The following ATP8B4 variants were observed in gnomAD, a reference collection of about 807,000 sequenced individuals.
The protein encoded by ATP8B4 is probable phospholipid-transporting ATPase IM.
In ATP8B4, 133 loss-of-function variants were observed where a neutral mutation model predicts 145.6. The observed-to-expected ratio is 0.91, with a 90% CI of 0.79 to 1.05. ATP8B4 has a LOEUF of 1.05. Among genes scored for constraint, ATP8B4 ranks in the 50% least tolerant of loss-of-function variants. The pLI is 0.00. For synonymous variants in ATP8B4, 507 were observed against 492.9 expected (o/e 1.03, Z -0.38); for missense variants, 1,458 against 1,425.2 (o/e 1.02, Z -0.37).
intron 2 of ATP8B4, among the ~76,000 whole-genome samples, chr15:50,087,672 A>G (rs1420995469): frequency 1.3e-5 from 2 of 152,016 alleles, no homozygotes; most frequent in East Asian, 1.9e-4. Context: ...AACAGTTCAT[A>G]TATGAAAGAA....
chr15:50,109,365 A>G (rs2056833000), intron 1 of ATP8B4, among the ~76,000 whole-genome samples: 1 of 152,204 alleles, frequency 6.6e-6, no homozygotes, highest in African/African-American at 2.4e-5. Flanking sequence ...GTTTCACAAA[A>G]TACTCAAAAA....
At chr15:49,879,330 A>C in intron 24 of ATP8B4, 46 bp downstream of exon 24, 1 of 1,511,372 alleles carries the variant, frequency 6.6e-7, no homozygotes, top group Non-Finnish European at 9.1e-7. Flanking sequence ...AAAAACTAAA[A>C]GGCATAAAAG....
At chr15:50,062,248 C>CT (rs1384702369) in intron 3 of ATP8B4, among the ~76,000 whole-genome samples, 1 of 152,146 alleles carries the variant, frequency 6.6e-6, no homozygotes, top group African/African-American at 2.4e-5. Flanking sequence ...CACCATCCCC[C>CT]TTGGTACTGT....
chr15:50,047,022 T>C (rs2051775007), intron 4 of ATP8B4, among the ~76,000 whole-genome samples: 1 of 152,200 alleles, frequency 6.6e-6, no homozygotes, highest in Admixed American at 6.5e-5. Flanking sequence ...GCCTCAACTC[T>C]GGCAATCCCC....
intron 6 of ATP8B4, among the ~76,000 whole-genome samples, chr15:50,023,797 G>GAAAAAAAAAAAAAAAAAA (rs1260432604): frequency 2.2e-5 from 2 of 91,604 alleles, no homozygotes; most frequent in Middle Eastern, 6.8e-3. Flanking sequence ...AAAAAAAAAA[G>GAAAAAAAAAAAAAAAAAA]AAAAAAAAGA....
intron 1 of ATP8B4, among the ~76,000 whole-genome samples, chr15:50,174,426 G>A (rs2044733007): frequency 6.6e-6 from 1 of 151,882 alleles, no homozygotes. Context: ...TCCTAGAACT[G>A]ATAAAAGAAT....
Position 49,934,036 on chromosome 15 carries a change from C to T in ATP8B4, c.1434G>A (p.Met478Ile), listed in dbSNP as rs1481327454. The change falls in exon 15 of 28, where the codon ATG (methionine) becomes ATA (isoleucine). Residue 478 changes from methionine (M) to isoleucine (I), a missense_variant. Coordinates refer to ENST00000284509, the MANE Select transcript of ATP8B4 (RefSeq NM_024837.4). ...ACTTACCTGCGCTATTCTCTTCTGA[C>T]ATTACAGTGTGGCAGAGAGCAAGTA... is the stretch of plus-strand genomic sequence containing the variant. Reference protein sequence around the residue: ...LRLLALCHTVMSEENSAGELI... With the variant: ...LRLLALCHTVISEENSAGELI... The T allele has an allele frequency of 6.2e-7, 1 of 1,610,416 alleles. No individual in the cohort carries two copies. Among genetic ancestry groups the T allele is most frequent in the Admixed American group, 1.7e-5 (1 of 59,416 alleles).
chr15:50,104,499 A>T (rs1177220254), intron 2 of ATP8B4, among the ~76,000 whole-genome samples: 1 of 152,242 alleles, frequency 6.6e-6, no homozygotes, highest in Non-Finnish European at 1.5e-5. Context: ...ATCACTAATT[A>T]TCAGGGAAAT....
At chr15:50,080,906 G>A (rs1302749079) in intron 2 of ATP8B4, among the ~76,000 whole-genome samples, 3 of 152,228 alleles carry the variant, frequency 2.0e-5, no homozygotes, top group East Asian at 1.9e-4. Flanking sequence ...GATGTCAGGA[G>A]ATCGAGACCA....
intron 1 of ATP8B4, among the ~76,000 whole-genome samples, chr15:50,129,310 T>C (rs1028900365): frequency 6.6e-6 from 1 of 152,150 alleles, no homozygotes; most frequent in African/African-American, 2.4e-5. Context: ...TCTCTCACAG[T>C]TCTAGAGGCT....
intron 23 of ATP8B4, among the ~76,000 whole-genome samples, chr15:49,888,351 T>C (rs1210770468): frequency 1.3e-5 from 2 of 152,202 alleles, no homozygotes; most frequent in African/African-American, 2.4e-5. Flanking sequence ...TTTTTGTTGC[T>C]TTATTATACT....
chr15:50,175,849 T>C (rs1380003790), intron 1 of ATP8B4, among the ~76,000 whole-genome samples: 2 of 152,098 alleles, frequency 1.3e-5, no homozygotes, highest in Non-Finnish European at 2.9e-5. Context: ...CACTGCTGGG[T>C]ATCTACCCAA....
intron 13 of ATP8B4, among the ~76,000 whole-genome samples, chr15:49,969,650 A>G (rs2044900700): frequency 6.6e-6 from 1 of 152,204 alleles, no homozygotes; most frequent in African/African-American, 2.4e-5. Context: ...CAACAAAAAA[A>G]GCCCAAGACC....
intron 3 of ATP8B4, among the ~76,000 whole-genome samples, chr15:50,048,012 CT>C (rs925245265): frequency 1.5e-4 from 23 of 151,662 alleles, no homozygotes; most frequent in African/African-American, 5.3e-4. Context: ...CCTATAACTT[CT>C]TTTTTTTTAA....
At chr15:49,895,956 G>A (rs2037349007) in intron 23 of ATP8B4, 1 of 152,182 alleles carries the variant, frequency 6.6e-6, no homozygotes, top group Non-Finnish European at 1.5e-5. Context: ...TTTGGAATAT[G>A]AAAATTAGAT....
intron 14 of ATP8B4, among the ~76,000 whole-genome samples, chr15:49,941,660 T>C (rs1599300650): frequency 2.6e-5 from 4 of 152,158 alleles, no homozygotes; most frequent in African/African-American, 9.7e-5. Flanking sequence ...AAAGTAGATC[T>C]ACCATTGAAT....
intron 3 of ATP8B4, among the ~76,000 whole-genome samples, chr15:50,060,003 T>C (rs527629419): frequency 1.3e-5 from 2 of 152,164 alleles, no homozygotes; most frequent in African/African-American, 2.4e-5. Context: ...CTTCCCACAA[T>C]TGTCATTTCC....
chr15:49,897,338 G>A lies in ATP8B4; in HGVS notation c.2651C>T (p.Thr884Ile), dbSNP rs139129011. Residue 884 changes from threonine (T) to isoleucine (I), a missense_variant, in exon 23 of 28, where the codon ACA becomes ATA. By Grantham distance (89) the Thr-to-Ile change is moderately conservative (BLOSUM62 -1). Coordinates refer to ENST00000284509, the MANE Select transcript of ATP8B4 (RefSeq NM_024837.4). ...GAAACCAAACCAGAAATGCACAAGT[G>A]TAAATGCAAAATTCTTATAGAAGAA... ...CYFFYKNFAF[T>I]LVHFWFGFFC... is the part of the protein sequence containing the mutation. The A allele has an allele frequency of 5.7e-4, 922 of 1,613,382 alleles. 6 individuals are homozygous for A. Among genetic ancestry groups the A allele is most frequent in the Non-Finnish European group, 1.2e-4 (143 of 1,179,750 alleles).
chr15:49,914,602 T>A (rs1247632221), intron 20 of ATP8B4, among the ~76,000 whole-genome samples: 1 of 152,078 alleles, frequency 6.6e-6, no homozygotes, highest in Admixed American at 6.6e-5. Context: ...ATATCTGGAA[T>A]ATACAAGGAA....
Sources: allele counts gnomAD v4.1 joint callset (sites outside exome capture counted in the v4.1 genomes callset), GRCh38; gene constraint gnomAD v4.1.1; transcripts MANE v1.5; gene names NCBI Gene and HGNC (gene_info 2026-07-23, HGNC 2026-07-21).